Variants in LRRFIP1 observed in about 807,000 individuals in gnomAD.
The protein encoded by LRRFIP1 is leucine-rich repeat flightless-interacting protein 1.
A neutral mutation model predicts 104.4 loss-of-function variants in LRRFIP1; 62 were observed. The observed-to-expected ratio is 0.59, with a 90% CI of 0.48 to 0.73. The LOEUF is 0.73. Ranked by LOEUF, LRRFIP1 falls within the 30% of genes least tolerant of loss-of-function variation. The pLI is 0.00. For missense variants in LRRFIP1, 796 were observed against 824.5 expected (o/e 0.97, Z 0.42); for synonymous variants, 300 against 299.0 (o/e 1.00, Z -0.03).
intron 1 of LRRFIP1, among the ~76,000 whole-genome samples, chr2:237,666,878 C>T (rs1339742623): frequency 6.9e-6 from 1 of 144,156 alleles, no homozygotes; most frequent in South Asian, 2.2e-4. Flanking sequence ...CTCTTTCTCT[C>T]GCTCTGTTCC....
intron 1 of LRRFIP1, among the ~76,000 whole-genome samples, chr2:237,641,496 CAAAAAA>C (rs10645424): frequency 1.6e-5 from 2 of 121,974 alleles, no homozygotes; most frequent in African/African-American, 3.0e-5. Flanking sequence ...GACTCTGTCT[CAAAAAA>C]AAAAAAAAAA....
At chr2:237,716,196 C>T (rs757522375) in intron 3 of LRRFIP1, among the ~76,000 whole-genome samples, 15 of 152,156 alleles carry the variant, frequency 9.9e-5, no homozygotes, top group Non-Finnish European at 1.9e-4. Context: ...TCATATTTTA[C>T]TTGTGAAAAA....
At position 237,719,468 on chromosome 2, in the gene LRRFIP1, A is replaced by C. The variant is rs566684686; in HGVS notation, c.250-55A>C. On this transcript the variant is annotated intron_variant, in intron 4 of 23. Transcript: ENST00000308482. ...GGGACTACCTAAGCTTTTTTAAAGC[A>C]CTTTTCCTGTGTCCATCTGTCTCTA... is the stretch of plus-strand genomic sequence containing the variant. 592 of 1,349,268 alleles carry C rather than the reference A, an allele frequency of 4.4e-4. 9 individuals are homozygous for C. In the South Asian group the frequency reaches 6.6e-3, roughly 15 times the overall value. 83.6% of individuals were successfully genotyped at this position (1,349,268 alleles called of 1,614,324 possible).
At chr2:237,772,523 T>C (rs1399110298) in intron 21 of LRRFIP1, 1 of 445,686 alleles carries the variant, frequency 2.2e-6, no homozygotes, top group Non-Finnish European at 4.0e-6. Flanking sequence ...AAGGCTTTTT[T>C]CATGCTAATA....
At chr2:237,716,736 T>A (rs544598209) in intron 3 of LRRFIP1, among the ~76,000 whole-genome samples, 1 of 152,384 alleles carries the variant, frequency 6.6e-6, no homozygotes, top group African/African-American at 2.4e-5. Flanking sequence ...CTTGATTTTC[T>A]TACTGGAAAT....
Position 237,717,765 on chromosome 2 carries a change from T to C in LRRFIP1, c.205T>C (p.Tyr69His). 6.2e-7 allele frequency: 1 copy of C among 1,611,568 alleles called. No individual in the cohort carries two copies. Among genetic ancestry groups the C allele is most frequent in the Non-Finnish European group, 8.5e-7 (1 of 1,177,614 alleles). ...TTTCTTTCCCTTCTGTCTATAGAAA[T>C]ATTATGGGCTGGATACAAAATGGGG... ...QKEIYQVQKK[Y>H]YGLDTKWGDI... The change falls in exon 4 of 24, where the codon TAT becomes CAT. Residue 69 changes from tyrosine (Y) to histidine (H), a missense_variant. By Grantham distance (83) the Tyr-to-His change is moderately conservative. Coordinates refer to ENST00000308482, the MANE Select transcript of LRRFIP1 (RefSeq NM_001137550.2). This position sits in a 1 kb window ranked among gnomAD's most constrained non-coding sequence, Gnocchi z 4.2.
intron 1 of LRRFIP1, among the ~76,000 whole-genome samples, chr2:237,627,979 C>A (rs1365673434): frequency 6.6e-6 from 1 of 151,028 alleles, no homozygotes; most frequent in African/African-American, 2.4e-5. Flanking sequence ...GCCCAGCCCG[C>A]GACGCTGCGC....
At chr2:237,675,816 C>T (rs2091077536) in intron 1 of LRRFIP1, among the ~76,000 whole-genome samples, 1 of 152,188 alleles carries the variant, frequency 6.6e-6, no homozygotes, top group Admixed American at 6.5e-5. Flanking sequence ...TTTATTTTTG[C>T]AGAGATATAA....
At chr2:237,634,157 G>A (rs1473713936) in intron 1 of LRRFIP1, among the ~76,000 whole-genome samples, 6 of 152,080 alleles carry the variant, frequency 3.9e-5, no homozygotes, top group Non-Finnish European at 5.9e-5. Flanking sequence ...GTATCACTCC[G>A]TAAAACCCAA....
At chr2:237,753,790 CAAAAAAAA>C (rs749198309) in intron 15 of LRRFIP1, among the ~76,000 whole-genome samples, 2 of 74,778 alleles carry the variant, frequency 2.7e-5, no homozygotes, top group African/African-American at 9.4e-5. Flanking sequence ...GACACTGTCT[CAAAAAAAA>C]AAAAAAAAAA....
chr2:237,771,387 A>G (rs1250859310), intron 20 of LRRFIP1, among the ~76,000 whole-genome samples: 1 of 152,076 alleles, frequency 6.6e-6, no homozygotes, highest in Non-Finnish European at 1.5e-5. Flanking sequence ...CCTGCACTGA[A>G]TCCACACAAA....
intron 7 of LRRFIP1, among the ~76,000 whole-genome samples, chr2:237,726,353 A>G (rs1003649617): frequency 5.3e-5 from 8 of 151,632 alleles, no homozygotes; most frequent in African/African-American, 1.5e-4. Context: ...TGGAAATTCA[A>G]TTTTTTTTTC....
Position 237,760,177 on chromosome 2 carries a change from C to G in LRRFIP1, c.1431C>G (p.Ala477=). The G allele has an allele frequency of 3.7e-6, 6 of 1,614,072 alleles. No homozygotes were observed. The highest frequency in any genetic ancestry group is 5.1e-6 in the Non-Finnish European group (6 of 1,179,984). The change falls in exon 19 of 24, where the codon GCC becomes GCG. Residue 477 remains alanine (A), a synonymous_variant. Transcript: ENST00000308482. The stretch of plus-strand genomic sequence containing the variant: ...AGATGACAAAAGAAGAGTTAAATGC[C>G]CTCAAGTCGACAGGGGATGGGACCC... ...PTKMTKEELN[A]LKSTGDGTLD... is the part of the protein sequence containing the mutation.
intron 1 of LRRFIP1, among the ~76,000 whole-genome samples, chr2:237,633,886 C>T (rs1453355071): frequency 6.6e-6 from 1 of 152,170 alleles, no homozygotes; most frequent in Non-Finnish European, 1.5e-5. Context: ...CTATCCCTGG[C>T]ACATGTCGTC....
intron 7 of LRRFIP1, among the ~76,000 whole-genome samples, chr2:237,726,798 AT>A (rs2094770681): frequency 6.6e-6 from 1 of 152,134 alleles, no homozygotes; most frequent in African/African-American, 2.4e-5. Context: ...ATCAGCAGAA[AT>A]TTCCTTATAG....
chr2:237,760,117 C>CA lies in LRRFIP1; in HGVS notation c.1372dup (p.Thr458AsnfsTer4). 6.2e-7 allele frequency: 1 copy of CA among 1,613,784 alleles called. No individual in the cohort carries two copies. ...TAGCTACCAATGGAGAGACTTCCGA[C>CA]ACCCTCAATAATGTTGGATACCAAG... On this transcript the variant is annotated frameshift_variant, in exon 19 of 24. Transcript: ENST00000308482. LOFTEE classifies it high-confidence loss of function.
chr2:237,712,289 C>G (rs1235416515), intron 2 of LRRFIP1, among the ~76,000 whole-genome samples: 1 of 152,162 alleles, frequency 6.6e-6, no homozygotes, highest in African/African-American at 2.4e-5. Flanking sequence ...GTCTCAAAAT[C>G]AGTTCTGTAC....
chr2:237,710,047 T>C (rs760350894), intron 2 of LRRFIP1, among the ~76,000 whole-genome samples: 2 of 151,498 alleles, frequency 1.3e-5, no homozygotes, highest in Non-Finnish European at 2.9e-5. Flanking sequence ...GAGACGGGGT[T>C]TCACCATGTT....
chr2:237,665,932 A>C (rs1450986359), intron 1 of LRRFIP1, among the ~76,000 whole-genome samples: 1 of 152,262 alleles, frequency 6.6e-6, no homozygotes, highest in Non-Finnish European at 1.5e-5. Context: ...GTCTGGCTTC[A>C]GTGATCCCTT....
Sources: allele counts gnomAD v4.1 joint callset (sites outside exome capture counted in the v4.1 genomes callset), GRCh38; gene constraint gnomAD v4.1.1; non-coding constraint Gnocchi (gnomAD v3.1); transcripts MANE v1.5; gene names NCBI Gene and HGNC (gene_info 2026-07-23, HGNC 2026-07-21).